RHCE: variants seen among roughly 807,000 people sequenced by gnomAD.
RHCE encodes Rh blood group CcEe antigens.
RHCE carries 22 observed loss-of-function variants against 43.8 expected under a neutral mutation model. The ratio of observed to expected loss-of-function variants is 0.50; its 90% CI spans 0.36 to 0.72. The LOEUF (loss-of-function observed/expected upper bound fraction) is 0.72, where lower values mean the gene tolerates loss of function less well. RHCE is among the 30% of genes least tolerant of loss of function. The pLI is 0.00. For synonymous variants in RHCE, 156 were observed against 210.7 expected, an observed-to-expected ratio of 0.74 and a Z score of 2.25; for missense variants, 385 against 525.4, an observed-to-expected ratio of 0.73 and a Z score of 2.61.
chr1:25,381,569 G>A (rs1362708666), intron 7 of RHCE, among the ~76,000 whole-genome samples: 2 of 150,180 alleles, frequency 1.3e-5, no homozygotes, highest in Middle Eastern at 3.2e-3. Context: ...TGATTCTCCT[G>A]CTTCAGCCTC....
chr1:25,393,943 C>G (rs867879583), intron 3 of RHCE, among the ~76,000 whole-genome samples: 16 of 152,276 alleles, frequency 1.1e-4, no homozygotes, highest in African/African-American at 1.2e-4. Context: ...GGGTGTCTAA[C>G]AATTCTAAAG....
intron 1 of RHCE, among the ~76,000 whole-genome samples, chr1:25,420,295 AAAT>A (rs2042732451): frequency 6.6e-6 from 1 of 152,178 alleles, no homozygotes; most frequent in Admixed American, 6.5e-5. Context: ...AAATCTATAA[AAAT>A]AAAAAAAATC....
At chr1:25,373,601 C>T (rs1465727992) in intron 8 of RHCE, among the ~76,000 whole-genome samples, 1 of 151,692 alleles carries the variant, frequency 6.6e-6, no homozygotes, top group East Asian at 1.9e-4. Flanking sequence ...TTTGTTAAAG[C>T]TGGAAGGAAG....
chr1:25,416,473 C>A (rs1280862315), intron 1 of RHCE, among the ~76,000 whole-genome samples: 1 of 152,064 alleles, frequency 6.6e-6, no homozygotes, highest in Non-Finnish European at 1.5e-5. Context: ...TCATGTTAGC[C>A]AGGATGGTCT....
At chr1:25,398,740 T>C in intron 3 of RHCE, 1 of 1,600,370 alleles carries the variant, frequency 6.2e-7, no homozygotes, top group Non-Finnish European at 8.5e-7. Context: ...CTCTGGAGGC[T>C]GAGTGCCGTT....
Position 25,375,806 on chromosome 1 carries a change from T to G in RHCE, c.1074-378A>C, listed in dbSNP as rs1463043785. The stretch of plus-strand genomic sequence containing the variant: ...CTCTCTCTCTCTTTTTTTTTTTTTT[T>G]TTTCTGTTTTTGTTTGTGAGATGGA... On this transcript the variant is annotated intron_variant, in intron 7 of 9. Transcript: ENST00000294413. Among the ~76,000 whole-genome samples the G allele has an allele frequency of 9.1e-3, 1,264 of 139,276 alleles. 63 individuals are homozygous for G. Among genetic ancestry groups the G allele is most frequent in the African/African-American group, 0.034 (1,170 of 34,144 alleles). The allele number at this position is 139,276 out of a possible 152,430, so 91.4% of individuals were successfully genotyped here. A position where few individuals can be genotyped will look rare whatever the true frequency, so the allele number is the denominator to read the frequency against.
chr1:25,391,987 T>C lies in RHCE; in HGVS notation c.634+7A>G. 1 of 1,613,760 alleles carries C rather than the reference T, an allele frequency of 6.2e-7. No homozygotes were observed. The highest frequency in any genetic ancestry group is 8.5e-7 in the Non-Finnish European group (1 of 1,180,008). ...GTATGAGACCACTCACCCCACCTTG[T>C]CCTTACCCAGCATGGCAGACAAACT... On this transcript the variant is annotated splice_region_variant and intron_variant, in intron 4 of 9. Coordinates refer to ENST00000294413, the MANE Select transcript of RHCE (RefSeq NM_020485.8).
chr1:25,373,238 G>A (rs775656669), intron 8 of RHCE, among the ~76,000 whole-genome samples: 7 of 151,538 alleles, frequency 4.6e-5, no homozygotes, highest in South Asian at 2.1e-4. Context: ...AAAGACCCCC[G>A]GGTACTTTGC....
intron 2 of RHCE, among the ~76,000 whole-genome samples, chr1:25,404,169 C>CAAAA (rs3079571): frequency 0.034 from 3,083 of 90,704 alleles, 160 homozygotes; most frequent in African/African-American, 0.08. Context: ...CTCTGTCTCA[C>CAAAA]AAAAAAAAAA....
In RHCE at chr1:25,391,904, G is replaced by A. The variant is rs1238183471; in HGVS notation, c.634+90C>T. On this transcript the variant is annotated intron_variant, in intron 4 of 9. Coordinates refer to ENST00000294413, the MANE Select transcript of RHCE (RefSeq NM_020485.8). Reference sequence around the variant, plus strand: ...GGCTTCAGACACCCAGGGGAAGTTGGTAAAGGAGGGAGATTTTTTCAGCCA... The same window carrying A: ...GGCTTCAGACACCCAGGGGAAGTTGATAAAGGAGGGAGATTTTTTCAGCCA... The A allele has an allele frequency of 2.1e-5, 34 of 1,586,492 alleles. No individual in the cohort carries two copies. In the East Asian group the frequency reaches 6.9e-4, roughly 32 times the overall value.
At chr1:25,386,845 ACAC>A (rs1557613188) in intron 6 of RHCE, among the ~76,000 whole-genome samples, 6 of 71,594 alleles carry the variant, frequency 8.4e-5, no homozygotes, top group African/African-American at 2.2e-4. Flanking sequence ...ACAACAAAAC[ACAC>A]ACACACACAC....
At chr1:25,403,931 G>A (rs1274426501) in intron 2 of RHCE, among the ~76,000 whole-genome samples, 2 of 151,614 alleles carry the variant, frequency 1.3e-5, no homozygotes, top group Non-Finnish European at 2.9e-5. Context: ...ACTTTGGGAG[G>A]CCAAGGCAGG....
rs1179771529 is a variant in RHCE at position 25,406,922 on chromosome 1, G to GC, written c.335+1760dup. ...TTACAGGCATGAGCCACCGCGCCCG[G>GC]CCCCTAAAACTGTTTTTTGAGACAG... On this transcript the variant is annotated intron_variant, in intron 2 of 9. Coordinates refer to ENST00000294413, the MANE Select transcript of RHCE (RefSeq NM_020485.8). Among the ~76,000 whole-genome samples the GC allele has an allele frequency of 2.5e-5, 3 of 120,122 alleles. 1 individual carries two copies. The highest frequency in any genetic ancestry group is 9.1e-5 in the Admixed American group (1 of 10,986). The allele number at this position is 120,122 out of a possible 152,430, so 78.8% of individuals were successfully genotyped here. A position where few individuals can be genotyped will look rare whatever the true frequency, so the allele number is the denominator to read the frequency against.
upstream of RHCE, among the ~76,000 whole-genome samples, chr1:25,424,100 T>C (rs1312897396): frequency 6.6e-6 from 1 of 152,238 alleles, no homozygotes; most frequent in Admixed American, 6.5e-5. Flanking sequence ...AGATATTCAA[T>C]ACTTTATCAT....
At chr1:25,405,422 G>A (rs1011905208) in intron 2 of RHCE, among the ~76,000 whole-genome samples, 1 of 152,224 alleles carries the variant, frequency 6.6e-6, no homozygotes, top group African/African-American at 2.4e-5. Flanking sequence ...GGAGGCCTAG[G>A]CGGGTGGATC....
chr1:25,379,949 A>G (rs1051845607), intron 7 of RHCE, among the ~76,000 whole-genome samples: 2 of 152,072 alleles, frequency 1.3e-5, no homozygotes, highest in African/African-American at 4.8e-5. Flanking sequence ...AATCACTGGG[A>G]TTACAGGCAT....
upstream of RHCE, among the ~76,000 whole-genome samples, chr1:25,422,431 C>T (rs546210756): frequency 5.9e-4 from 90 of 152,282 alleles, 1 homozygote; most frequent in African/African-American, 2.1e-3. Flanking sequence ...AAGTTGGCTG[C>T]AAACCACTAA....
At chr1:25,420,190 A>G (rs1425433487) in intron 1 of RHCE, among the ~76,000 whole-genome samples, 1 of 152,122 alleles carries the variant, frequency 6.6e-6, no homozygotes, top group East Asian at 1.9e-4. Flanking sequence ...TCAAAAAGAA[A>G]TAAGAAATGA....
Position 25,402,705 on chromosome 1 carries a change from G to C in RHCE, c.377C>G (p.Ser126Ter), listed in dbSNP as rs1193854324. The C allele has an allele frequency of 6.2e-7, 1 of 1,614,164 alleles. No homozygotes were observed. Among genetic ancestry groups the C allele is most frequent in the East Asian group, 2.2e-5 (1 of 44,890 alleles). ...GACCTTCCCCAAGACAGCACCCGCTGAGATCAGCACCGACATAGCACTCAT... is the reference window on the plus strand; with the variant it reads ...GACCTTCCCCAAGACAGCACCCGCTCAGATCAGCACCGACATAGCACTCAT... ...ATMSAMSVLI[S>*]AGAVLGKVNL... The change falls in exon 3 of 10, where the codon TCA becomes TGA. Residue 126 changes from serine to a stop codon, truncating the protein, a stop_gained. Coordinates refer to ENST00000294413, the MANE Select transcript of RHCE (RefSeq NM_020485.8). LOFTEE classifies it high-confidence loss of function.
Sources: gnomAD v4.1 joint callset for allele counts (sites outside exome capture counted in the v4.1 genomes callset) on GRCh38, gnomAD v4.1.1 for gene constraint, MANE v1.5 for transcripts, NCBI Gene and HGNC (gene_info 2026-07-23, HGNC 2026-07-21) for gene names.